DNAH1: variants seen among roughly 807,000 people sequenced by gnomAD.
DNAH1 encodes dynein axonemal heavy chain 1.
DNAH1 carries 327 observed loss-of-function variants against 484.3 expected under a neutral mutation model. The ratio of observed to expected loss-of-function variants is 0.68; its 90% CI spans 0.62 to 0.74. DNAH1 has a LOEUF of 0.74. Among genes scored for constraint, DNAH1 ranks in the 30% least tolerant of loss-of-function variants. The pLI is 0.00. For missense variants in DNAH1, 5,052 were observed against 5,546.8 expected, an observed-to-expected ratio of 0.91 and a Z score of 2.83; for synonymous variants, 2,192 against 2,191.9, an observed-to-expected ratio of 1.00 and a Z score of 0.00.
At chr3:52,336,057 C>T (rs1331418370) in intron 8 of DNAH1, among the ~76,000 whole-genome samples, 3 of 152,136 alleles carry the variant, frequency 2.0e-5, no homozygotes, top group Admixed American at 1.3e-4. Context: ...TTCTCCAGTT[C>T]TGCAGGTTGT....
At chr3:52,315,990 C>G (rs914680156), upstream of DNAH1, among the ~76,000 whole-genome samples, 5 of 152,162 alleles carry the variant, frequency 3.3e-5, no homozygotes, top group African/African-American at 1.2e-4. Flanking sequence ...CCCCACCCCT[C>G]AAGTCCATTC....
intron 3 of DNAH1, among the ~76,000 whole-genome samples, chr3:52,324,931 G>A (rs1559487857): frequency 6.6e-6 from 1 of 152,114 alleles, no homozygotes; most frequent in Non-Finnish European, 1.5e-5. Context: ...CCCGAGGGCT[G>A]GGGTAGCCTG....
chr3:52,345,623 G>C lies in DNAH1; in HGVS notation c.1573G>C (p.Ala525Pro), dbSNP rs765709959. 6.8e-6 allele frequency: 11 copies of C among 1,609,310 alleles called. No homozygotes were observed. Among genetic ancestry groups the C allele is most frequent in the Non-Finnish European group, 6.8e-6 (8 of 1,177,902 alleles). ...KVRAECNKVT[A>P]MSLFHSSLSK... ...GAGGGCCGAGTGCAACAAGGTGACC[G>C]CCATGTCCCTGTTCCACTCGAGCCT... Residue 525 changes from alanine to proline, a missense_variant, in exon 10 of 78, where the codon GCC becomes CCC. Around this residue, in one of 4 missense-constraint regions of DNAH1, gnomAD observed 1,263 missense variants for 1,218.8 expected, o/e 1.04. Transcript: ENST00000420323.
chr3:52,347,932 C>A lies in DNAH1; in HGVS notation c.2064C>A (p.Asp688Glu). The A allele has an allele frequency of 6.2e-7, 1 of 1,610,908 alleles. No homozygotes were observed. The highest frequency in any genetic ancestry group is 8.5e-7 in the Non-Finnish European group (1 of 1,178,604). ...QFEASLLNLF[D>E]KGILATHAVP... ...AGGCATCTCTGCTGAACCTCTTCGA[C>A]AAGGGCATCCTGGCCACCCATGCCG... Residue 688 changes from aspartate to glutamate, a missense_variant, in exon 12 of 78, where the codon GAC becomes GAA. This residue lies in a region of DNAH1 where 1,263 missense variants were observed against 1,218.8 expected (regional missense o/e 1.04). Coordinates refer to ENST00000420323, the MANE Select transcript of DNAH1 (RefSeq NM_015512.5).
At position 52,372,230 on chromosome 3, in the gene DNAH1, C is replaced by G; in HGVS notation, c.6670C>G (p.Leu2224Val). The G allele has an allele frequency of 6.2e-7, 1 of 1,613,842 alleles. No homozygotes were observed. Among genetic ancestry groups the G allele is most frequent in the Non-Finnish European group, 8.5e-7 (1 of 1,179,836 alleles). Residue 2224 changes from leucine (L) to valine (V), a missense_variant, in exon 43 of 78, where the codon CTG becomes GTG. Around this residue, in one of 4 missense-constraint regions of DNAH1, gnomAD observed 2,929 missense variants for 3,409.4 expected, o/e 0.86. Transcript: ENST00000420323. ...TGTGCCATCCCCGCTCTGCCAGGTG[C>G]TGTGCATTGGGCCAACAGGCACGGG... ...DMLLTNKKPV[L>V]CIGPTGTGKT... is the part of the protein sequence containing the mutation.
intron 26 of DNAH1, 110 bp downstream of exon 26, chr3:52,359,496 G>A (rs1171166682): frequency 1.4e-6 from 2 of 1,448,164 alleles, no homozygotes; most frequent in Non-Finnish European, 9.3e-7. Context: ...GAGGCCTGGG[G>A]TTGGGTCTAA....
intron 58 of DNAH1, 32 bp from the exon 59 acceptor site, chr3:52,388,774 C>T: frequency 1.2e-6 from 2 of 1,611,586 alleles, no homozygotes; most frequent in Non-Finnish European, 1.7e-6. Flanking sequence ...GCCCAGCCTC[C>T]CAGAGCCCAC....
At chr3:52,378,581 G>A (rs763134065) in intron 46 of DNAH1, 21 bp from the exon 47 acceptor site, 38 of 1,612,370 alleles carry the variant, frequency 2.4e-5, no homozygotes, top group Non-Finnish European at 3.1e-5. Context: ...TGTGACCCAG[G>A]CCATTCTCCT....
At chr3:52,333,653 G>C (rs1362697593) in intron 8 of DNAH1, among the ~76,000 whole-genome samples, 1 of 152,122 alleles carries the variant, frequency 6.6e-6, no homozygotes, top group South Asian at 2.1e-4. Flanking sequence ...CTCCCAAAGG[G>C]ATTACAGGTG....
chr3:52,344,469 A>G (rs370412130), intron 8 of DNAH1, 21 bp from the exon 9 acceptor site: 4 of 1,609,104 alleles, frequency 2.5e-6, no homozygotes, highest in Non-Finnish European at 3.4e-6. Flanking sequence ...TGATTCCCCC[A>G]TCTCCCATCT....
Position 52,359,045 on chromosome 3 carries a change from C to G in DNAH1, c.4267-201C>G, listed in dbSNP as rs182060311. On this transcript the variant is annotated intron_variant, in intron 25 of 77. Coordinates refer to ENST00000420323, the MANE Select transcript of DNAH1 (RefSeq NM_015512.5). Reference sequence around the variant, plus strand: ...AGCTGGGCTCTAGGTGACTCCCCAGCCTGCAGAGTCAGTTCAGAGATATCT... The same window carrying G: ...AGCTGGGCTCTAGGTGACTCCCCAGGCTGCAGAGTCAGTTCAGAGATATCT... Among the ~76,000 whole-genome samples the G allele has an allele frequency of 7.2e-5, 11 of 152,304 alleles. No individual in the cohort carries two copies. The East Asian group carries it at 1.9e-3, about 27-fold the overall frequency.
chr3:52,364,991 C>T lies in DNAH1; in HGVS notation c.5490C>T (p.Cys1830=). 6.2e-7 allele frequency: 1 copy of T among 1,612,726 alleles called. No homozygotes were observed. Among genetic ancestry groups the T allele is most frequent in the Non-Finnish European group, 8.5e-7 (1 of 1,178,984 alleles). The change falls in exon 34 of 78, where the codon TGC becomes TGT. Residue 1830 remains cysteine, a synonymous_variant. Coordinates refer to ENST00000420323, the MANE Select transcript of DNAH1 (RefSeq NM_015512.5). The surrounding 1 kb of genome is among the most constrained non-coding windows in gnomAD (Gnocchi z 4.2). The part of the protein sequence containing the change: ...GILDEAIREA[C]RNSNLKDVEG... ...TGGATGAGGCCATCCGCGAGGCCTG[C>T]AGGAACAGCAACCTCAAGGATGTGG...
intron 2 of DNAH1, among the ~76,000 whole-genome samples, chr3:52,323,106 G>C (rs566252362): frequency 6.6e-6 from 1 of 152,294 alleles, no homozygotes; most frequent in African/African-American, 2.4e-5. Context: ...GGCTTTGGTA[G>C]GGAAGACCCC....
chr3:52,389,587 G>A lies in DNAH1; in HGVS notation c.9621+1G>A, dbSNP rs960403439. On this transcript the variant is annotated splice_donor_variant, in intron 60 of 77. Transcript: ENST00000420323. LOFTEE classifies it high-confidence loss of function. ...CCCTGTGAAGATCCGATCGTGGCAG[G>A]TGCCCACCCCAGGGGCAGGAGTGCC... 4.0e-6 allele frequency: 6 copies of A among 1,481,724 alleles called. No homozygotes were observed. The highest frequency in any genetic ancestry group is 2.3e-4 in the Middle Eastern group (1 of 4,438). The allele number at this position is 1,481,724 out of a possible 1,614,324, so 91.8% of individuals were successfully genotyped here.
rs375839622 is a variant in DNAH1 at position 52,349,035 on chromosome 3, C to T, written c.2254C>T (p.Arg752Ter). ...IPLQAYAKEYRKYLELNNNDI... is the reference protein window; with the variant it reads ...IPLQAYAKEY ...ACTGCAGGCCTACGCCAAGGAGTAC[C>T]GAAAGTACCTGGAGCTGAACAACAA... Residue 752 changes from arginine to a stop codon, truncating the protein, a stop_gained, in exon 13 of 78, where the codon CGA (arginine) becomes TGA (stop). Coordinates refer to ENST00000420323, the MANE Select transcript of DNAH1 (RefSeq NM_015512.5). LOFTEE classifies it high-confidence loss of function. The T allele has an allele frequency of 8.7e-6, 14 of 1,612,966 alleles. No individual in the cohort carries two copies. Among genetic ancestry groups the T allele is most frequent in the Non-Finnish European group, 1.1e-5 (13 of 1,179,894 alleles).
At chr3:52,394,840 G>A in intron 67 of DNAH1, 75 bp from the exon 68 acceptor site, 5 of 1,565,446 alleles carry the variant, frequency 3.2e-6, no homozygotes, top group Middle Eastern at 1.7e-4. Flanking sequence ...CAGCTGTCCG[G>A]CTGGCCGAAT....
At chr3:52,341,694 T>C (rs889134053) in intron 8 of DNAH1, among the ~76,000 whole-genome samples, 8 of 152,020 alleles carry the variant, frequency 5.3e-5, no homozygotes, top group South Asian at 2.1e-4. Flanking sequence ...CCAACTGCAG[T>C]TGGGGCAAGC....
rs369479974 is a variant in DNAH1 at position 52,381,801 on chromosome 3, C to T, written c.7770C>T (p.Ser2590=). Residue 2590 remains serine (S), a synonymous_variant, in exon 49 of 78, where the codon AGC becomes AGT. Coordinates refer to ENST00000420323, the MANE Select transcript of DNAH1 (RefSeq NM_015512.5). This position sits in a 1 kb window ranked among gnomAD's most constrained non-coding sequence, Gnocchi z 4.1. ...GNALLLGVGG[S]GRSSLTRLAS... Reference sequence around the variant, plus strand: ...CACTCCTGCTGGGCGTGGGTGGCAGCGGCCGCAGCTCCCTCACAAGGCTCG... The same window carrying T: ...CACTCCTGCTGGGCGTGGGTGGCAGTGGCCGCAGCTCCCTCACAAGGCTCG... 110 of 1,601,786 alleles carry T rather than the reference C, an allele frequency of 6.9e-5. No homozygotes were observed. Among genetic ancestry groups the T allele is most frequent in the African/African-American group, 4.3e-4 (32 of 74,706 alleles).
intron 74 of DNAH1, 37 bp from the exon 75 acceptor site, chr3:52,397,995 C>G: frequency 6.2e-7 from 1 of 1,603,534 alleles, no homozygotes; most frequent in Non-Finnish European, 8.5e-7. Context: ...ATAAGGGGGC[C>G]CAGCCTTGAC....
Sources: gnomAD v4.1 joint callset for allele counts (sites outside exome capture counted in the v4.1 genomes callset) on GRCh38, gnomAD v4.1.1 for gene constraint, gnomAD v4.1.1 regional missense constraint, Gnocchi (gnomAD v3.1) non-coding constraint, MANE v1.5 for transcripts, NCBI Gene and HGNC (gene_info 2026-07-23, HGNC 2026-07-21) for gene names.